ZNF714: variants seen among roughly 807,000 people sequenced by gnomAD.
ZNF714 encodes zinc finger protein 714.
Under a neutral mutation model 46.2 loss-of-function variants are expected in ZNF714, and 32 were observed. The ratio of observed to expected loss-of-function variants is 0.69; its 90% CI spans 0.52 to 0.93. The LOEUF is 0.93. Ranked by LOEUF, ZNF714 falls within the 40% of genes least tolerant of loss-of-function variation. The pLI, the probability that ZNF714 is intolerant of heterozygous loss-of-function variation, is 0.00. For synonymous variants in ZNF714, 199 were observed against 213.1 expected (o/e 0.93, Z 0.58); for missense variants, 635 against 646.3 (o/e 0.98, Z 0.19).
intron 4 of ZNF714, among the ~76,000 whole-genome samples, chr19:21,112,816 A>T (rs1178023119): frequency 3.1e-3 from 136 of 43,176 alleles, no homozygotes; most frequent in East Asian, 5.7e-3. Flanking sequence ...TTTATTTCTG[A>T]TTTTTTTTTT....
chr19:21,089,817 C>T (rs1224201822), intron 2 of ZNF714, among the ~76,000 whole-genome samples: 1 of 130,282 alleles, frequency 7.7e-6, no homozygotes, highest in Non-Finnish European at 1.7e-5. Context: ...TAGAACTTTA[C>T]ATAGGAGATA....
intron 2 of ZNF714, among the ~76,000 whole-genome samples, chr19:21,084,323 G>C (rs1568271228): frequency 6.6e-6 from 1 of 151,906 alleles, no homozygotes; most frequent in Non-Finnish European, 1.5e-5. Context: ...TAGCACTTAA[G>C]TTTTCCCTTT....
chr19:21,087,497 T>C (rs995313118), intron 2 of ZNF714, among the ~76,000 whole-genome samples: 2 of 152,172 alleles, frequency 1.3e-5, no homozygotes, highest in Non-Finnish European at 2.9e-5. Context: ...GTATTATTAA[T>C]GTCAAACCCA....
intron 2 of ZNF714, among the ~76,000 whole-genome samples, chr19:21,088,103 T>C (rs1968824694): frequency 6.6e-6 from 1 of 152,190 alleles, no homozygotes; most frequent in Non-Finnish European, 1.5e-5. Context: ...TACCTAGCCG[T>C]AAAGCAGGCA....
At chr19:21,108,617 C>A (rs1446442503) in intron 4 of ZNF714, among the ~76,000 whole-genome samples, 1 of 152,212 alleles carries the variant, frequency 6.6e-6, no homozygotes, top group East Asian at 1.9e-4. Flanking sequence ...TGTCTTCCAC[C>A]ATGATTGTAA....
intron 4 of ZNF714, among the ~76,000 whole-genome samples, chr19:21,109,089 A>C (rs2053039116): frequency 1.3e-5 from 1 of 74,314 alleles, no homozygotes; most frequent in Admixed American, 1.7e-4. Flanking sequence ...TACTATTTGC[A>C]TGGAATATAG....
intron 4 of ZNF714, 46 bp downstream of exon 4, chr19:21,098,956 AG>A (rs753691670): frequency 3.2e-6 from 3 of 949,916 alleles, no homozygotes; most frequent in Non-Finnish European, 4.5e-6. Flanking sequence ...AGAGGTACAA[AG>A]GTAAAAAAAA....
At chr19:21,088,029 A>G (rs767487366) in intron 2 of ZNF714, among the ~76,000 whole-genome samples, 3 of 152,212 alleles carry the variant, frequency 2.0e-5, no homozygotes, top group Non-Finnish European at 4.4e-5. Flanking sequence ...ACAAGTTTAT[A>G]TAAGGTCTGA....
chr19:21,116,377 G>T (rs909963133), intron 4 of ZNF714, among the ~76,000 whole-genome samples: 2 of 151,820 alleles, frequency 1.3e-5, no homozygotes, highest in Non-Finnish European at 2.9e-5. Flanking sequence ...TTTATGTTAC[G>T]GGAGACCAGT....
chr19:21,087,522 T>G (rs1448576249), intron 2 of ZNF714, among the ~76,000 whole-genome samples: 1 of 152,186 alleles, frequency 6.6e-6, no homozygotes, highest in Non-Finnish European at 1.5e-5. Context: ...TTAATCTTTA[T>G]AGACAAACCT....
At chr19:21,085,786 T>C (rs772910373) in intron 2 of ZNF714, among the ~76,000 whole-genome samples, 13 of 151,642 alleles carry the variant, frequency 8.6e-5, no homozygotes, top group Non-Finnish European at 1.5e-4. Flanking sequence ...AAGGTTAAGA[T>C]GAAAGGGGAC....
chr19:21,100,532 C>T (rs1279439923), intron 4 of ZNF714, among the ~76,000 whole-genome samples: 1 of 151,792 alleles, frequency 6.6e-6, no homozygotes, highest in African/African-American at 2.4e-5. Context: ...AACTCCATCT[C>T]AATAAAACAA....
chr19:21,088,596 C>CA (rs1968838891), intron 2 of ZNF714, among the ~76,000 whole-genome samples: 1 of 152,090 alleles, frequency 6.6e-6, no homozygotes, highest in South Asian at 2.1e-4. Context: ...GTTTTTATTT[C>CA]AAAAAGATTA....
rs111456417 is a variant in ZNF714, at chr19:21,118,161, T to C, written c.1497T>C (p.His499=). 134,270 of 1,612,988 alleles carry C rather than the reference T, an allele frequency of 0.083. 6,272 individuals carry two copies. Among genetic ancestry groups the C allele is most frequent in the Non-Finnish European group, 0.089 (105,367 of 1,179,426 alleles). ...AFNQSSTLTK[H]RKIQQGMVAH... is the part of the protein sequence containing the mutation. ...ACCAATCCTCAACTCTTACTAAACA[T>C]AGGAAAATTCAGCAGGGCATGGTGG... The change falls in exon 5 of 5, where the codon CAT becomes CAC. Residue 499 remains histidine, a synonymous_variant. Coordinates refer to ENST00000456283, the MANE Select transcript of ZNF714 (RefSeq NM_182515.4).
rs549243473 is a variant in ZNF714, at chr19:21,099,023, A to G, written c.142+113A>G. 188 of 581,018 alleles carry G rather than the reference A, an allele frequency of 3.2e-4. 1 individual carries two copies. The highest frequency in any genetic ancestry group is 5.0e-4 in the Non-Finnish European group (174 of 350,416). 36.0% of individuals were successfully genotyped at this position (581,018 alleles called of 1,614,324 possible). On this transcript the variant is annotated intron_variant, in intron 4 of 4. Transcript: ENST00000456283. The stretch of plus-strand genomic sequence containing the variant: ...TTTGGGAAGCTGTTTTGCAAAGTAT[A>G]TAGTTTCTGGGAAGACTGAATATTT...
intron 2 of ZNF714, among the ~76,000 whole-genome samples, chr19:21,092,633 A>ATAC (rs1240859985): frequency 6.6e-6 from 1 of 152,010 alleles, no homozygotes; most frequent in African/African-American, 2.4e-5. Flanking sequence ...GCTTTGTTAT[A>ATAC]TACGTAAAAT....
chr19:21,082,579 T>C (rs1187642699), intron 1 of ZNF714, among the ~76,000 whole-genome samples: 1 of 152,104 alleles, frequency 6.6e-6, no homozygotes, highest in Admixed American at 6.5e-5. Flanking sequence ...GGCCCTGACC[T>C]GGAGTCCTCT....
intron 4 of ZNF714, among the ~76,000 whole-genome samples, chr19:21,100,795 C>G (rs1969160238): frequency 6.6e-6 from 1 of 152,136 alleles, no homozygotes; most frequent in Non-Finnish European, 1.5e-5. Context: ...ACTGCAACCT[C>G]CACCTCCTGG....
At position 21,089,911 on chromosome 19, in the gene ZNF714, G is replaced by A. The variant is rs112420525; in HGVS notation, c.-85+5842G>A. On this transcript the variant is annotated intron_variant, in intron 2 of 4. Coordinates refer to ENST00000456283, the MANE Select transcript of ZNF714 (RefSeq NM_182515.4). The stretch of plus-strand genomic sequence containing the variant: ...GTAAGAAATTTGTACCCTTTTGCCA[G>A]CATGCCAGGCTTCTGGGCTTCCTTT... Among the ~76,000 whole-genome samples, 151 of 152,014 alleles carry A rather than the reference G, an allele frequency of 9.9e-4. 2 individuals carry two copies. Among genetic ancestry groups the A allele is most frequent in the African/African-American group, 3.2e-3 (132 of 41,550 alleles).
Sources: gnomAD v4.1 joint callset for allele counts (sites outside exome capture counted in the v4.1 genomes callset) on GRCh38, gnomAD v4.1.1 for gene constraint, MANE v1.5 for transcripts, NCBI Gene and HGNC (gene_info 2026-07-23, HGNC 2026-07-21) for gene names.